Variants in PAK1 observed in about 807,000 individuals in gnomAD.
PAK1 encodes serine/threonine-protein kinase PAK 1.
In PAK1, 29 loss-of-function variants were observed where a neutral mutation model predicts 67.4. The ratio of observed to expected loss-of-function variants is 0.43; its 90% CI spans 0.32 to 0.59. PAK1 has a LOEUF of 0.59. Among genes scored for constraint, PAK1 ranks in the 20% least tolerant of loss-of-function variants. The pLI is 0.07. For synonymous variants in PAK1, 223 were observed against 237.4 expected, an observed-to-expected ratio of 0.94 and a Z score of 0.56; for missense variants, 337 against 670.7, an observed-to-expected ratio of 0.50 and a Z score of 5.50.
At chr11:77,378,774 G>T (rs1444879262) in intron 4 of PAK1, among the ~76,000 whole-genome samples, 1 of 152,058 alleles carries the variant, frequency 6.6e-6, no homozygotes, top group Non-Finnish European at 1.5e-5. Flanking sequence ...TTTTTGTAGA[G>T]ACAGGGTTTT....
chr11:77,358,566 A>G (rs1292330646), intron 6 of PAK1, among the ~76,000 whole-genome samples: 1 of 152,158 alleles, frequency 6.6e-6, no homozygotes, highest in Admixed American at 6.6e-5. Flanking sequence ...TTCCCTGGAG[A>G]CTGGAATAAT....
chr11:77,465,855 G>A (rs1957572582), intron 1 of PAK1, among the ~76,000 whole-genome samples: 1 of 152,144 alleles, frequency 6.6e-6, no homozygotes. Flanking sequence ...AGACTAAAGT[G>A]AGACGATTGC....
chr11:77,415,373 C>A (rs1363223385), intron 1 of PAK1, among the ~76,000 whole-genome samples: 3 of 152,152 alleles, frequency 2.0e-5, no homozygotes, highest in African/African-American at 7.2e-5. Context: ...GGCATACATT[C>A]TGAGAAAAGT....
chr11:77,434,628 C>T (rs562489236), intron 1 of PAK1, among the ~76,000 whole-genome samples: 1 of 151,220 alleles, frequency 6.6e-6, no homozygotes, highest in South Asian at 2.1e-4. Context: ...TATTTATTTA[C>T]TTATTTATTG....
At chr11:77,525,279 C>T in the PAK1 span, among the ~76,000 whole-genome samples, 2 of 150,866 alleles carry the variant, frequency 1.3e-5, no homozygotes, top group South Asian at 2.1e-4. Flanking sequence ...GCCCTGGAGG[C>T]GGATCACGCC....
chr11:77,460,212 G>A (rs1957275183), intron 1 of PAK1, among the ~76,000 whole-genome samples: 1 of 150,002 alleles, frequency 6.7e-6, no homozygotes, highest in Admixed American at 6.6e-5. Flanking sequence ...AAGAAAGAAG[G>A]AAAGAAAAAA....
intron 6 of PAK1, among the ~76,000 whole-genome samples, chr11:77,357,158 A>C (rs1040817946): frequency 6.6e-6 from 1 of 152,204 alleles, no homozygotes; most frequent in African/African-American, 2.4e-5. Flanking sequence ...ATCTATGATG[A>C]TCATTTATCT....
intron 1 of PAK1, among the ~76,000 whole-genome samples, chr11:77,455,175 A>G (rs996823945): frequency 3.9e-5 from 6 of 152,200 alleles, no homozygotes; most frequent in Non-Finnish European, 7.3e-5. Flanking sequence ...CCGAATTCCA[A>G]ATGATACACA....
In PAK1 at chr11:77,322,853, G is replaced by C. The variant is rs1314360265; in HGVS notation, c.*421C>G. 2.1e-6 allele frequency: 1 copy of C among 483,590 alleles called. No individual in the cohort carries two copies. Among genetic ancestry groups the C allele is most frequent in the African/African-American group, 1.9e-5 (1 of 51,866 alleles). 30.0% of individuals were successfully genotyped at this position (483,590 alleles called of 1,614,324 possible). A position where few individuals can be genotyped will look rare whatever the true frequency, so the allele number is the denominator to read the frequency against. ...TACAATGAGGTGTCTGGGCAGTTGA[G>C]TCACAGAAAAGCAAGCACTAAAGAA... On this transcript the variant is annotated 3_prime_UTR_variant, in exon 15 of 15. Coordinates refer to ENST00000356341, the MANE Select transcript of PAK1 (RefSeq NM_002576.5).
chr11:77,443,491 C>G (rs1481199153), intron 1 of PAK1, among the ~76,000 whole-genome samples: 1 of 151,970 alleles, frequency 6.6e-6, no homozygotes, highest in African/African-American at 2.4e-5. Context: ...CTATTACTGC[C>G]CCTCATAATA....
At chr11:77,361,157 G>A (rs994821951) in intron 5 of PAK1, among the ~76,000 whole-genome samples, 2 of 152,170 alleles carry the variant, frequency 1.3e-5, no homozygotes, top group Non-Finnish European at 2.9e-5. Flanking sequence ...TCACCAAAGT[G>A]TCTGCTCCAT....
intron 1 of PAK1, among the ~76,000 whole-genome samples, chr11:77,408,611 G>A (rs1954014493): frequency 6.6e-6 from 1 of 150,974 alleles, no homozygotes; most frequent in Admixed American, 6.6e-5. Flanking sequence ...CAGTAATCTT[G>A]TCGTTCTCAT....
At chr11:77,437,253 T>C (rs1343326376) in intron 1 of PAK1, among the ~76,000 whole-genome samples, 1 of 151,822 alleles carries the variant, frequency 6.6e-6, no homozygotes, top group South Asian at 2.1e-4. Flanking sequence ...TGAGATAACA[T>C]ATAGGTCAGG....
chr11:77,452,635 T>A (rs551229603), intron 1 of PAK1, among the ~76,000 whole-genome samples: 1 of 152,192 alleles, frequency 6.6e-6, no homozygotes, highest in Non-Finnish European at 1.5e-5. Context: ...AAAAAAAGAC[T>A]GGTTATTTAC....
chr11:77,508,797 C>T, the PAK1 span, among the ~76,000 whole-genome samples: 1 of 150,804 alleles, frequency 6.6e-6, no homozygotes, highest in Non-Finnish European at 1.5e-5. Flanking sequence ...GTAGCTGGGA[C>T]TACAGGCGCC....
chr11:77,481,039 G>A, the PAK1 span, among the ~76,000 whole-genome samples: 13 of 152,210 alleles, frequency 8.5e-5, no homozygotes, highest in African/African-American at 3.1e-4. Flanking sequence ...AAACTTTCTT[G>A]AGACTTTCTT....
intron 1 of PAK1, among the ~76,000 whole-genome samples, chr11:77,421,098 A>G (rs1478454503): frequency 1.3e-5 from 2 of 152,168 alleles, no homozygotes; most frequent in Non-Finnish European, 2.9e-5. Context: ...CAAAGTCCTT[A>G]GAAAAACATA....
chr11:77,325,433 T>C (rs887837919), intron 14 of PAK1: 12 of 1,574,424 alleles, frequency 7.6e-6, no homozygotes, highest in Middle Eastern at 4.0e-4. Flanking sequence ...GGACAATATA[T>C]AAAGTGCTTA....
At chr11:77,418,386 A>G (rs1330568104) in intron 1 of PAK1, among the ~76,000 whole-genome samples, 1 of 152,204 alleles carries the variant, frequency 6.6e-6, no homozygotes, top group Admixed American at 6.5e-5. Flanking sequence ...CTCTAAGTGC[A>G]GTCTGTCCCT....
Sources: gnomAD v4.1 joint callset for allele counts (sites outside exome capture counted in the v4.1 genomes callset) on GRCh38, gnomAD v4.1.1 for gene constraint, MANE v1.5 for transcripts, NCBI Gene and HGNC (gene_info 2026-07-23, HGNC 2026-07-21) for gene names.